The following NFE2L3 variants were observed in gnomAD, a reference collection of about 807,000 sequenced individuals.
NFE2L3 encodes the protein nuclear factor erythroid 2-related factor 3.
A neutral mutation model predicts 23.5 loss-of-function variants in NFE2L3; 18 were observed. The observed-to-expected ratio is 0.77, with a 90% CI of 0.53 to 1.13. The LOEUF (loss-of-function observed/expected upper bound fraction) is 1.13. Among genes scored for constraint, NFE2L3 ranks in the 50% most tolerant of loss-of-function variants. NFE2L3 has a pLI of 0.00. For synonymous variants in NFE2L3, 424 were observed against 354.5 expected, an observed-to-expected ratio of 1.20 and a Z score of -2.20; for missense variants, 1,152 against 877.2, an observed-to-expected ratio of 1.31 and a Z score of -3.96.
intron 1 of NFE2L3, among the ~76,000 whole-genome samples, chr7:26,172,368 C>T (rs913936315): frequency 3.3e-5 from 5 of 152,220 alleles, no homozygotes; most frequent in Admixed American, 6.5e-5. Flanking sequence ...ATATTAATAA[C>T]GATGTCTCTC....
chr7:26,169,102 A>G (rs183352480), intron 1 of NFE2L3, among the ~76,000 whole-genome samples: 1 of 152,354 alleles, frequency 6.6e-6, no homozygotes, highest in Non-Finnish European at 1.5e-5. Context: ...ATTGCAAATT[A>G]TATTACAAAT....
In NFE2L3 at chr7:26,185,971, A is replaced by T. The variant is rs1247467410; in HGVS notation, c.*188A>T. On this transcript the variant is annotated 3_prime_UTR_variant, in exon 4 of 4. Coordinates refer to ENST00000056233, the MANE Select transcript of NFE2L3 (RefSeq NM_004289.7). ...GGACTTCAAGATCACACTTGTGGGC[A>T]ATCTGGGGGAGCCACAACTTTTCAT... is the stretch of plus-strand genomic sequence containing the variant. 5.9e-6 allele frequency: 3 copies of T among 508,696 alleles called. No individual in the cohort carries two copies. The highest frequency in any genetic ancestry group is 5.9e-5 in the African/African-American group (3 of 51,048). 31.5% of individuals were successfully genotyped at this position (508,696 alleles called of 1,614,324 possible). A position where few individuals can be genotyped will look rare whatever the true frequency, so the allele number is the denominator to read the frequency against.
chr7:26,173,022 G>T (rs1442901745), intron 1 of NFE2L3, among the ~76,000 whole-genome samples: 3 of 151,984 alleles, frequency 2.0e-5, no homozygotes, highest in East Asian at 3.9e-4. Context: ...CTATAAGAAA[G>T]ATTTCCTTTT....
chr7:26,164,744 C>T (rs531052357), intron 1 of NFE2L3, among the ~76,000 whole-genome samples: 1 of 152,308 alleles, frequency 6.6e-6, no homozygotes, highest in African/African-American at 2.4e-5. Context: ...GCTATATGTC[C>T]TGAATGGCAT....
rs1234383237 is a variant in NFE2L3 at position 26,186,476 on chromosome 7, C to T, written c.*693C>T. On this transcript the variant is annotated 3_prime_UTR_variant, in exon 4 of 4. Transcript: ENST00000056233. ...AGTAAGGCAAATCCACCCCCCTACCCCAATACTTAACACACAGAATACTAT... is the reference window on the plus strand; with the variant it reads ...AGTAAGGCAAATCCACCCCCCTACCTCAATACTTAACACACAGAATACTAT... 2 of 149,442 alleles carry T rather than the reference C, an allele frequency of 1.3e-5. No individual in the cohort carries two copies. Among genetic ancestry groups the T allele is most frequent in the African/African-American group, 4.9e-5 (2 of 40,750 alleles). 9.3% of individuals were successfully genotyped at this position (149,442 alleles called of 1,614,324 possible). A position where few individuals can be genotyped will look rare whatever the true frequency, so the allele number is the denominator to read the frequency against.
At position 26,185,762 on chromosome 7, in the gene NFE2L3, C is replaced by G; in HGVS notation, c.2064C>G (p.Thr688=). 1 of 1,581,822 alleles carries G rather than the reference C, an allele frequency of 6.3e-7. No individual in the cohort carries two copies. Among genetic ancestry groups the G allele is most frequent in the Non-Finnish European group, 8.5e-7 (1 of 1,171,880 alleles). Residue 688 remains threonine (T), a synonymous_variant, in exon 4 of 4, where the codon ACC becomes ACG. Transcript: ENST00000056233. ...TGGCCTCAGGCCACAAAAAGGAAAC[C>G]CAAAAGGGAAAGAGAAAGTGAGAAG... The part of the protein sequence containing the change: ...ELVASGHKKE[T]QKGKRK
chr7:26,184,442 GACAAA>G, intron 3 of NFE2L3, 86 bp from the exon 4 acceptor site: 1 of 1,197,410 alleles, frequency 8.4e-7, no homozygotes, highest in Non-Finnish European at 1.2e-6. Flanking sequence ...TAGAGGAATT[GACAAA>G]AGAGGGGAAA....
chr7:26,157,431 C>G (rs1387590636), intron 1 of NFE2L3, among the ~76,000 whole-genome samples: 1 of 152,020 alleles, frequency 6.6e-6, no homozygotes, highest in Non-Finnish European at 1.5e-5. Flanking sequence ...GCATGAGCTA[C>G]TGCACCTGGC....
At chr7:26,167,387 A>G (rs1784265749) in intron 1 of NFE2L3, among the ~76,000 whole-genome samples, 1 of 152,198 alleles carries the variant, frequency 6.6e-6, no homozygotes, top group South Asian at 2.1e-4. Flanking sequence ...CAGATGGGTC[A>G]GTTACCAGCC....
At chr7:26,175,413 C>T (rs781144182) in intron 1 of NFE2L3, among the ~76,000 whole-genome samples, 11 of 152,012 alleles carry the variant, frequency 7.2e-5, no homozygotes, top group Non-Finnish European at 1.6e-4. Context: ...GTTATAGACA[C>T]GTATAAAGTG....
chr7:26,184,794 TCA>T lies in NFE2L3; in HGVS notation c.1098_1099del (p.Pro367GlyfsTer2). On this transcript the variant is annotated frameshift_variant, in exon 4 of 4. Coordinates refer to ENST00000056233, the MANE Select transcript of NFE2L3 (RefSeq NM_004289.7). LOFTEE classifies it low-confidence loss of function (END_TRUNC). ...TGGAACTAATTTGACAGGATTTCTT[TCA>T]CCGGTTGACAATCATATGAGGAATC... ...LPGTNLTGFL[S>X]PVDNHMRNLT... 6.2e-7 allele frequency: 1 copy of T among 1,613,954 alleles called. No individual in the cohort carries two copies. Among genetic ancestry groups the T allele is most frequent in the South Asian group, 1.1e-5 (1 of 91,078 alleles).
intron 1 of NFE2L3, among the ~76,000 whole-genome samples, chr7:26,165,948 A>G (rs1464838141): frequency 6.6e-6 from 1 of 152,156 alleles, no homozygotes; most frequent in Non-Finnish European, 1.5e-5. Flanking sequence ...TCTCATGAAT[A>G]ATTTTTCATA....
At chr7:26,176,808 G>T (rs1159945259) in intron 1 of NFE2L3, among the ~76,000 whole-genome samples, 1 of 74,266 alleles carries the variant, frequency 1.3e-5, no homozygotes, top group African/African-American at 9.6e-5. Flanking sequence ...CTTCCCAGAC[G>T]GGGTGGCCAG....
Position 26,185,717 on chromosome 7 carries a change from G to A in NFE2L3, c.2019G>A (p.Leu673=). Residue 673 remains leucine (L), a synonymous_variant, in exon 4 of 4, where the codon TTG becomes TTA. Transcript: ENST00000056233. ...ALQCTHDGSI[L]IVPKELVASG... ...AGTGTACCCATGATGGAAGTATCTTGATAGTACCCAAAGAACTGGTGGCCT... is the reference window on the plus strand; with the variant it reads ...AGTGTACCCATGATGGAAGTATCTTAATAGTACCCAAAGAACTGGTGGCCT... 6.2e-7 allele frequency: 1 copy of A among 1,612,544 alleles called. No homozygotes were observed. The highest frequency in any genetic ancestry group is 8.5e-7 in the Non-Finnish European group (1 of 1,179,516).
chr7:26,180,965 C>CTT (rs112896552), intron 2 of NFE2L3, among the ~76,000 whole-genome samples: 7 of 146,192 alleles, frequency 4.8e-5, no homozygotes, highest in South Asian at 4.3e-4. Flanking sequence ...GTACTTAACA[C>CTT]TTTTTTTTTT....
chr7:26,177,453 C>G (rs910315521), intron 1 of NFE2L3, among the ~76,000 whole-genome samples: 23 of 152,178 alleles, frequency 1.5e-4, no homozygotes, highest in African/African-American at 5.3e-4. Context: ...AAAAACCAGT[C>G]AGGCATGGCG....
intron 1 of NFE2L3, chr7:26,173,981 A>C (rs1161617814): frequency 6.6e-6 from 1 of 152,352 alleles, no homozygotes; most frequent in Admixed American, 6.5e-5. Context: ...AGAGATTAAG[A>C]AAGAAAACTG....
rs1029010750 is a variant in NFE2L3, at chr7:26,182,598, A to G, written c.751-1103A>G. On this transcript the variant is annotated intron_variant, in intron 2 of 3. Coordinates refer to ENST00000056233, the MANE Select transcript of NFE2L3 (RefSeq NM_004289.7). Reference sequence around the variant, plus strand: ...AGCTGAGATCTCACCAGTGCTCTCCAGCCTGGGCGACAGGACAAGACTGTC... The same window carrying G: ...AGCTGAGATCTCACCAGTGCTCTCCGGCCTGGGCGACAGGACAAGACTGTC... Among the ~76,000 whole-genome samples the G allele has an allele frequency of 2.9e-4, 42 of 145,628 alleles. 1 individual carries two copies. Among genetic ancestry groups the G allele is most frequent in the Admixed American group, 2.7e-3 (40 of 14,860 alleles).
chr7:26,171,451 G>A (rs528595525), intron 1 of NFE2L3, among the ~76,000 whole-genome samples: 30 of 152,156 alleles, frequency 2.0e-4, no homozygotes, highest in East Asian at 5.8e-4. Flanking sequence ...GGCTGAGGCA[G>A]GAGAATCGCT....
Sources: allele counts gnomAD v4.1 joint callset (sites outside exome capture counted in the v4.1 genomes callset), GRCh38; gene constraint gnomAD v4.1.1; transcripts MANE v1.5; gene names NCBI Gene and HGNC (gene_info 2026-07-23, HGNC 2026-07-21).